Variants in COL25A1 observed in about 807,000 individuals in gnomAD.
The protein encoded by COL25A1 is collagen alpha-1(XXV) chain.
A neutral mutation model predicts 128.4 loss-of-function variants in COL25A1; 103 were observed. The observed-to-expected ratio is 0.80, with a 90% CI of 0.68 to 0.94. The LOEUF is 0.94. Ranked by LOEUF, COL25A1 falls within the 40% of genes least tolerant of loss-of-function variation. The pLI, the probability that COL25A1 is intolerant of heterozygous loss-of-function variation, is 0.00. For missense variants in COL25A1, 745 were observed against 840.0 expected, an observed-to-expected ratio of 0.89 and a Z score of 1.40; for synonymous variants, 279 against 277.2, an observed-to-expected ratio of 1.01 and a Z score of -0.06.
At chr4:109,225,734 G>A (rs1158782063) in intron 3 of COL25A1, among the ~76,000 whole-genome samples, 5 of 151,956 alleles carry the variant, frequency 3.3e-5, no homozygotes, top group Admixed American at 2.6e-4. Context: ...AGAAACTGTT[G>A]TGTGTGTATG....
intron 15 of COL25A1, among the ~76,000 whole-genome samples, chr4:108,898,818 C>T (rs1742453115): frequency 6.6e-6 from 1 of 151,986 alleles, no homozygotes; most frequent in Non-Finnish European, 1.5e-5. Context: ...AAATTTGCTC[C>T]CTTTCTCTTC....
intron 3 of COL25A1, among the ~76,000 whole-genome samples, chr4:109,166,945 A>G (rs1237743593): frequency 6.6e-6 from 1 of 152,180 alleles, no homozygotes; most frequent in Non-Finnish European, 1.5e-5. Flanking sequence ...GCAAGAGGAA[A>G]GTACTTATAG....
At chr4:109,192,677 C>G (rs1217314517) in intron 3 of COL25A1, among the ~76,000 whole-genome samples, 3 of 151,944 alleles carry the variant, frequency 2.0e-5, no homozygotes, top group Admixed American at 6.6e-5. Context: ...CACGGTGAAA[C>G]CCTGTCTCTA....
Position 109,301,805 on chromosome 4 carries a change from G to T in COL25A1, c.215C>A (p.Ala72Asp). 6.2e-7 allele frequency: 1 copy of T among 1,614,260 alleles called. No individual in the cohort carries two copies. The highest frequency in any genetic ancestry group is 2.2e-5 in the East Asian group (1 of 44,878). ...RIAALESAKG[A>D]PSIHLLPDTL... ...ATCAGGCAGCAGATGAATGGAAGGGGCCCCTTTGGCGGATTCGAGAGCGGC... is the reference window on the plus strand; with the variant it reads ...ATCAGGCAGCAGATGAATGGAAGGGTCCCCTTTGGCGGATTCGAGAGCGGC... The change falls in exon 2 of 38, where the codon GCC (alanine) becomes GAC (aspartate). Residue 72 changes from alanine to aspartate, a missense_variant. Around this residue, in one of 3 missense-constraint regions of COL25A1, gnomAD observed 319 missense variants for 324.9 expected, o/e 0.98. Transcript: ENST00000399132.
At chr4:109,060,638 T>C (rs750363452) in intron 3 of COL25A1, among the ~76,000 whole-genome samples, 2 of 151,344 alleles carry the variant, frequency 1.3e-5, no homozygotes, top group African/African-American at 2.4e-5. Context: ...CCTTCGCAGA[T>C]GGTACCTTCC....
chr4:109,071,901 G>A (rs571064826), intron 3 of COL25A1, among the ~76,000 whole-genome samples: 1 of 152,292 alleles, frequency 6.6e-6, no homozygotes, highest in South Asian at 2.1e-4. Context: ...AATTCCTCAA[G>A]GATCTAGAAC....
At chr4:108,850,258 T>C (rs1489196365) in intron 26 of COL25A1, among the ~76,000 whole-genome samples, 1 of 152,124 alleles carries the variant, frequency 6.6e-6, no homozygotes, top group Non-Finnish European at 1.5e-5. Flanking sequence ...GTGTGATAAA[T>C]GAAGGAGAAA....
At chr4:109,019,208 C>G (rs544488402) in intron 5 of COL25A1, among the ~76,000 whole-genome samples, 3 of 151,808 alleles carry the variant, frequency 2.0e-5, no homozygotes, top group Non-Finnish European at 1.5e-5. Context: ...GCTTCCTGCC[C>G]TCAAATATCA....
intron 3 of COL25A1, among the ~76,000 whole-genome samples, chr4:109,198,908 A>T (rs1365984944): frequency 1.3e-5 from 2 of 152,172 alleles, no homozygotes; most frequent in Non-Finnish European, 2.9e-5. Context: ...TGAACACTAA[A>T]CACTTCCCTG....
chr4:108,815,042 T>C (rs1374595522), intron 37 of COL25A1, among the ~76,000 whole-genome samples: 1 of 152,208 alleles, frequency 6.6e-6, no homozygotes, highest in Non-Finnish European at 1.5e-5. Context: ...AAAATGTGTC[T>C]ATAGGAAGCA....
At chr4:109,097,530 T>C (rs1355443388) in intron 3 of COL25A1, among the ~76,000 whole-genome samples, 1 of 151,362 alleles carries the variant, frequency 6.6e-6, no homozygotes, top group Admixed American at 6.6e-5. Context: ...GGAGGATCAC[T>C]TGAGCCCAGC....
In COL25A1 at chr4:109,157,383, G is replaced by A. The variant is rs556162949; in HGVS notation, c.368-107204C>T. Among the ~76,000 whole-genome samples, 31 of 152,190 alleles carry A rather than the reference G, an allele frequency of 2.0e-4. No homozygotes were observed. In the South Asian group the frequency reaches 6.4e-3, roughly 32 times the overall value. On this transcript the variant is annotated intron_variant, in intron 3 of 37. Coordinates refer to ENST00000399132, the MANE Select transcript of COL25A1 (RefSeq NM_198721.4). ...TTAACTCAGCATAGGAAATTCCCTG[G>A]TAGATGACCTCTTCAGTACAGTGTA...
intron 27 of COL25A1, 103 bp downstream of exon 27, chr4:108,848,656 G>C (rs1394320457): frequency 6.4e-6 from 5 of 777,918 alleles, no homozygotes; most frequent in Admixed American, 2.0e-5. Context: ...AAAGAAAGAG[G>C]GTATCAAATA....
chr4:109,026,588 A>G (rs1758317666), intron 5 of COL25A1, among the ~76,000 whole-genome samples: 1 of 152,268 alleles, frequency 6.6e-6, no homozygotes, highest in Non-Finnish European at 1.5e-5. Flanking sequence ...GAATGTCTAC[A>G]GACAGCAACA....
intron 3 of COL25A1, among the ~76,000 whole-genome samples, chr4:109,213,033 CTG>C (rs1777698287): frequency 6.6e-6 from 1 of 152,152 alleles, no homozygotes; most frequent in African/African-American, 2.4e-5. Flanking sequence ...TGTCCTGTTT[CTG>C]TCCAGACATG....
At chr4:109,016,823 A>G (rs1757258225) in intron 5 of COL25A1, among the ~76,000 whole-genome samples, 1 of 152,188 alleles carries the variant, frequency 6.6e-6, no homozygotes, top group Non-Finnish European at 1.5e-5. Context: ...TCTGTTGCTT[A>G]ATAAGGCTCC....
At chr4:109,140,203 G>A (rs1431779552) in intron 3 of COL25A1, among the ~76,000 whole-genome samples, 3 of 152,132 alleles carry the variant, frequency 2.0e-5, no homozygotes, top group Middle Eastern at 3.2e-3. Context: ...TGGGATGGCT[G>A]GGTCAAATGG....
intron 5 of COL25A1, among the ~76,000 whole-genome samples, chr4:109,043,445 G>T (rs1760115872): frequency 6.6e-6 from 1 of 152,004 alleles, no homozygotes; most frequent in Non-Finnish European, 1.5e-5. Flanking sequence ...ATTGTTAAAG[G>T]TGGACAGGAC....
At chr4:108,974,481 T>G in intron 7 of COL25A1, 52 bp downstream of exon 7, 2 of 1,608,602 alleles carry the variant, frequency 1.2e-6, no homozygotes, top group Non-Finnish European at 1.7e-6. Flanking sequence ...ACAGTATAGG[T>G]CACGCCAATA....
Sources: gnomAD v4.1 joint callset for allele counts (sites outside exome capture counted in the v4.1 genomes callset) on GRCh38, gnomAD v4.1.1 for gene constraint, gnomAD v4.1.1 regional missense constraint, MANE v1.5 for transcripts, NCBI Gene and HGNC (gene_info 2026-07-23, HGNC 2026-07-21) for gene names.